Variants in SDCCAG8 observed in about 807,000 individuals in gnomAD.
The protein encoded by SDCCAG8 is serologically defined colon cancer antigen 8.
Under a neutral mutation model 101.8 loss-of-function variants are expected in SDCCAG8, and 74 were observed. The ratio of observed to expected loss-of-function variants is 0.73; its 90% confidence interval spans 0.60 to 0.88. The LOEUF is 0.88. Among genes scored for constraint, SDCCAG8 ranks in the 40% least tolerant of loss-of-function variants. SDCCAG8 has a pLI of 0.00. For missense variants in SDCCAG8, 787 were observed against 822.6 expected, an observed-to-expected ratio of 0.96 and a Z score of 0.53; for synonymous variants, 281 against 292.9, an observed-to-expected ratio of 0.96 and a Z score of 0.41.
chr1:243,404,855 ACTT>A (rs1391044689), intron 13 of SDCCAG8, among the ~76,000 whole-genome samples: 4 of 148,670 alleles, frequency 2.7e-5, no homozygotes, highest in South Asian at 2.1e-4. Context: ...TCAAACTTAG[ACTT>A]CTTCTTTTTT....
intron 16 of SDCCAG8, among the ~76,000 whole-genome samples, chr1:243,434,507 C>T (rs528961110): frequency 1.3e-3 from 196 of 152,252 alleles, no homozygotes; most frequent in Non-Finnish European, 2.1e-3. Context: ...TGAAATGTTC[C>T]GTTATCCCTA....
At chr1:243,489,273 G>T in intron 17 of SDCCAG8, 133 bp downstream of exon 17, 1 of 1,244,380 alleles carries the variant, frequency 8.0e-7, no homozygotes, top group Non-Finnish European at 1.1e-6. Context: ...AGGTCCCGAA[G>T]ACTGTGCTGG....
In SDCCAG8 at chr1:243,354,561, A is replaced by G. The variant is rs1306027320; in HGVS notation, c.1473+10230A>G. ...GAGGCACTGGCAAACTGTCAAAGGTAGTATTGTGCGAGAGTAACCAGCTTT... is the reference window on the plus strand; with the variant it reads ...GAGGCACTGGCAAACTGTCAAAGGTGGTATTGTGCGAGAGTAACCAGCTTT... On this transcript the variant is annotated intron_variant, in intron 12 of 17. Transcript: ENST00000366541. Among the ~76,000 whole-genome samples the G allele has an allele frequency of 3.9e-5, 6 of 152,252 alleles. No homozygotes were observed. In the South Asian group the frequency reaches 1.2e-3, roughly 32 times the overall value.
At chr1:243,356,439 G>T (rs2076389368) in intron 12 of SDCCAG8, among the ~76,000 whole-genome samples, 1 of 149,548 alleles carries the variant, frequency 6.7e-6, no homozygotes, top group African/African-American at 2.5e-5. Flanking sequence ...GGTGGGGGAA[G>T]TGGGAAGAGA....
At chr1:243,396,741 A>G (rs1257440921) in intron 13 of SDCCAG8, among the ~76,000 whole-genome samples, 1 of 152,254 alleles carries the variant, frequency 6.6e-6, no homozygotes, top group Non-Finnish European at 1.5e-5. Context: ...TGAAGAAAAT[A>G]CATATCAGCT....
At chr1:243,296,535 CTTT>C (rs756242066) in intron 6 of SDCCAG8, among the ~76,000 whole-genome samples, 68 of 57,942 alleles carry the variant, frequency 1.2e-3, no homozygotes, top group Non-Finnish European at 8.0e-4. Context: ...CCCAACTGCT[CTTT>C]TTTTTTTTTT....
At chr1:243,349,176 A>AT (rs1448491685) in intron 12 of SDCCAG8, among the ~76,000 whole-genome samples, 3 of 152,180 alleles carry the variant, frequency 2.0e-5, no homozygotes, top group Admixed American at 6.5e-5. Context: ...GCAAATGGAG[A>AT]TTTTGCATAC....
chr1:243,302,258 A>G (rs1444181330), intron 6 of SDCCAG8, among the ~76,000 whole-genome samples: 1 of 152,182 alleles, frequency 6.6e-6, no homozygotes, highest in Non-Finnish European at 1.5e-5. Flanking sequence ...AAAACAAAAC[A>G]AAACAAAAAA....
At chr1:243,382,121 G>T (rs1020924129) in intron 13 of SDCCAG8, among the ~76,000 whole-genome samples, 2 of 152,220 alleles carry the variant, frequency 1.3e-5, no homozygotes, top group African/African-American at 4.8e-5. Context: ...TTTGGTAGGA[G>T]ATAAGACTGG....
intron 17 of SDCCAG8, among the ~76,000 whole-genome samples, chr1:243,491,118 G>A (rs537393589): frequency 1.5e-4 from 23 of 152,344 alleles, no homozygotes; most frequent in African/African-American, 5.5e-4. Flanking sequence ...GACTAGATCA[G>A]GAGAACGTGG....
chr1:243,333,545 C>A (rs2074779714), intron 10 of SDCCAG8, among the ~76,000 whole-genome samples: 1 of 152,184 alleles, frequency 6.6e-6, no homozygotes, highest in Non-Finnish European at 1.5e-5. Flanking sequence ...AGTCGAGTTT[C>A]TTGAAAGATT....
intron 16 of SDCCAG8, among the ~76,000 whole-genome samples, chr1:243,438,516 T>TTGTGTGTGTGTGTGTGTGTGTG (rs147959124): frequency 2.0e-5 from 3 of 146,428 alleles, no homozygotes; most frequent in African/African-American, 7.5e-5. Context: ...GTGGGAGTGA[T>TTGTGTGTGTGTGTGTGTGTGTG]TGTGTGTGTG....
intron 13 of SDCCAG8, among the ~76,000 whole-genome samples, chr1:243,414,872 T>TGTGTGTGC (rs1198326033): frequency 2.0e-5 from 3 of 149,018 alleles, no homozygotes; most frequent in Non-Finnish European, 4.5e-5. Flanking sequence ...TGTGTGTGTG[T>TGTGTGTGC]GTGCACATGT....
chr1:243,383,019 G>A (rs1330487325), intron 13 of SDCCAG8, among the ~76,000 whole-genome samples: 1 of 152,150 alleles, frequency 6.6e-6, no homozygotes, highest in Non-Finnish European at 1.5e-5. Context: ...TGAGGAGAAG[G>A]TCATGACTAG....
At chr1:243,414,436 G>A (rs905133535) in intron 13 of SDCCAG8, among the ~76,000 whole-genome samples, 2 of 152,096 alleles carry the variant, frequency 1.3e-5, no homozygotes, top group African/African-American at 4.8e-5. Flanking sequence ...CCGGGGGGAG[G>A]TGTTGTTATT....
chr1:243,275,302 C>T (rs953974159), intron 4 of SDCCAG8, among the ~76,000 whole-genome samples: 9 of 151,552 alleles, frequency 5.9e-5, no homozygotes, highest in African/African-American at 2.2e-4. Context: ...CTTTCTTTCC[C>T]TCCCTCTTTC....
In SDCCAG8 at chr1:243,415,791, A is replaced by C; in HGVS notation, c.1706A>C (p.Gln569Pro). 6.2e-7 allele frequency: 1 copy of C among 1,613,762 alleles called. No individual in the cohort carries two copies. Among genetic ancestry groups the C allele is most frequent in the Admixed American group, 1.7e-5 (1 of 59,936 alleles). ...CAGCAAAGAGAGCAGGAGCTGACAC[A>C]GAAGATACAGCAAATGGAGGCCCAG... is the stretch of plus-strand genomic sequence containing the variant. The part of the protein sequence containing the change: ...QAQQREQELT[Q>P]KIQQMEAQHD... The change falls in exon 14 of 18, where the codon CAG (glutamine) becomes CCG (proline). Residue 569 changes from glutamine to proline, a missense_variant. Gln to Pro is a moderately conservative substitution (Grantham distance 76, BLOSUM62 -1). Transcript: ENST00000366541.
At chr1:243,470,588 A>G (rs1166628856) in intron 16 of SDCCAG8, among the ~76,000 whole-genome samples, 3 of 152,002 alleles carry the variant, frequency 2.0e-5, no homozygotes, top group African/African-American at 4.8e-5. Context: ...AACGGTGTCA[A>G]CAATCTTTGC....
intron 5 of SDCCAG8, among the ~76,000 whole-genome samples, chr1:243,288,157 T>G (rs1489778056): frequency 1.3e-5 from 2 of 152,158 alleles, no homozygotes; most frequent in Non-Finnish European, 2.9e-5. Context: ...ACGTTTTACC[T>G]GTGTAAGTGA....
Sources: gnomAD v4.1 joint callset for allele counts (sites outside exome capture counted in the v4.1 genomes callset) on GRCh38, gnomAD v4.1.1 for gene constraint, MANE v1.5 for transcripts, NCBI Gene and HGNC (gene_info 2026-07-23, HGNC 2026-07-21) for gene names.